CHD7: variants seen among roughly 807,000 people sequenced by gnomAD.
CHD7 encodes the protein ATP-dependent chromatin remodeler CHD7.
Under a neutral mutation model 307.3 loss-of-function variants are expected in CHD7, and 24 were observed. The ratio of observed to expected loss-of-function variants is 0.08; its 90% CI spans 0.06 to 0.11. The LOEUF (loss-of-function observed/expected upper bound fraction) is 0.11, where lower values mean the gene tolerates loss of function less well. CHD7 is among the 10% of genes least tolerant of loss of function. The probability of loss-of-function intolerance (pLI) is 1.00; values close to 1 mark genes in which losing one functional copy is unlikely to be tolerated. For missense variants in CHD7, 3,106 were observed against 3,727.1 expected, an observed-to-expected ratio of 0.83 and a Z score of 4.34; for synonymous variants, 1,363 against 1,349.9, an observed-to-expected ratio of 1.01 and a Z score of -0.21.
intron 6 of CHD7, among the ~76,000 whole-genome samples, chr8:60,802,433 C>T (rs561714719): frequency 4.6e-5 from 7 of 152,260 alleles, no homozygotes; most frequent in Non-Finnish European, 8.8e-5. Flanking sequence ...GTGTCTGTGT[C>T]GCAGCTTCAG....
intron 6 of CHD7, among the ~76,000 whole-genome samples, chr8:60,802,628 A>G (rs954732649): frequency 3.3e-5 from 5 of 152,212 alleles, no homozygotes; most frequent in Non-Finnish European, 7.3e-5. Flanking sequence ...CTGGGATTAC[A>G]GGTGTGAGCC....
At chr8:60,730,835 G>A (rs1241319566) in intron 1 of CHD7, among the ~76,000 whole-genome samples, 1 of 150,500 alleles carries the variant, frequency 6.6e-6, no homozygotes, top group African/African-American at 2.4e-5. Flanking sequence ...ACTCCAGCCT[G>A]GGCGACAGAG....
intron 2 of CHD7, among the ~76,000 whole-genome samples, chr8:60,764,562 C>T (rs911575602): frequency 6.6e-6 from 1 of 152,146 alleles, no homozygotes; most frequent in African/African-American, 2.4e-5. Context: ...ATATTTGTTG[C>T]TTGTTGACTC....
At position 60,742,161 on chromosome 8, in the gene CHD7, C is replaced by A. The variant is rs371398600; in HGVS notation, c.729C>A (p.Pro243=). 1 of 1,613,976 alleles carries A rather than the reference C, an allele frequency of 6.2e-7. No individual in the cohort carries two copies. The highest frequency in any genetic ancestry group is 1.1e-5 in the South Asian group (1 of 91,082). ...TGTCCCACGTGCCCCAGCAGAGTCC[C>A]AGCATGGCACCTTCCTTGCGTCACT... ...GHLSHVPQQS[P]SMAPSLRHSV... The change falls in exon 2 of 38, where the codon CCC becomes CCA. Residue 243 remains proline, a synonymous_variant. Coordinates refer to ENST00000423902, the MANE Select transcript of CHD7 (RefSeq NM_017780.4).
Position 60,742,613 on chromosome 8 carries a change from C to T in CHD7, c.1181C>T (p.Pro394Leu). The change falls in exon 2 of 38, where the codon CCT (proline) becomes CTT (leucine). Residue 394 changes from proline to leucine, a missense_variant. Physicochemically the swap from Pro to Leu is moderately conservative, Grantham distance 98 (BLOSUM62 -3). This residue lies in a region of CHD7 where 998 missense variants were observed against 1,004.5 expected (regional missense o/e 0.99). Transcript: ENST00000423902. ...CCTCAGGGAACTTATGCCTCTCCAC[C>T]TCCCATGTCACCCATGAAAGCAATG... ...SQPQGTYASP[P>L]PMSPMKAMSN... is the part of the protein sequence containing the mutation. 3 of 1,613,140 alleles carry T rather than the reference C, an allele frequency of 1.9e-6. No individual in the cohort carries two copies. Among genetic ancestry groups the T allele is most frequent in the Non-Finnish European group, 2.5e-6 (3 of 1,179,236 alleles).
intron 2 of CHD7, among the ~76,000 whole-genome samples, chr8:60,761,625 A>AGGTTTAT (rs1356814732): frequency 6.6e-6 from 1 of 151,518 alleles, no homozygotes; most frequent in African/African-American, 2.4e-5. Context: ...TATGTTTCTG[A>AGGTTTAT]GGTTTATCTA....
chr8:60,796,617 G>GTT (rs566003462), intron 4 of CHD7, among the ~76,000 whole-genome samples: 1,039 of 57,436 alleles, frequency 0.018, 15 homozygotes, highest in African/African-American at 0.054. Context: ...TAGCTTTAGG[G>GTT]TTTTTTTTTT....
chr8:60,731,888 C>CT (rs2150562911), intron 1 of CHD7, among the ~76,000 whole-genome samples: 1 of 152,272 alleles, frequency 6.6e-6, no homozygotes, highest in African/African-American at 2.4e-5. Flanking sequence ...CTGTGTATTT[C>CT]TTTTTTGCAT....
At chr8:60,757,846 G>A (rs1809971161) in intron 2 of CHD7, among the ~76,000 whole-genome samples, 1 of 152,206 alleles carries the variant, frequency 6.6e-6, no homozygotes, top group Admixed American at 6.5e-5. Flanking sequence ...TACTAAGGCA[G>A]GTGGGGGCAT....
At chr8:60,748,987 T>TAAAAAAAAAA (rs372874769) in intron 2 of CHD7, among the ~76,000 whole-genome samples, 3 of 149,314 alleles carry the variant, frequency 2.0e-5, no homozygotes, top group African/African-American at 7.4e-5. Flanking sequence ...TTTTTTTTTT[T>TAAAAAAAAAA]AAAAAAATAG....
intron 1 of CHD7, among the ~76,000 whole-genome samples, chr8:60,691,353 G>C (rs1398553102): frequency 1.3e-5 from 2 of 152,088 alleles, no homozygotes; most frequent in Non-Finnish European, 2.9e-5. Context: ...GATTTGACTT[G>C]TTTCACCTAA....
intron 3 of CHD7, among the ~76,000 whole-genome samples, chr8:60,782,295 G>A (rs972338888): frequency 1.6e-4 from 25 of 152,142 alleles, no homozygotes; most frequent in Admixed American, 1.2e-3. Context: ...TCATGTGCAC[G>A]TGTAAACACA....
intron 1 of CHD7, among the ~76,000 whole-genome samples, chr8:60,710,907 T>C (rs903114047): frequency 3.9e-5 from 6 of 152,226 alleles, no homozygotes; most frequent in East Asian, 1.9e-4. Flanking sequence ...CAGGAAACTA[T>C]TGAGTTTGTT....
chr8:60,713,234 C>T (rs1440924932), intron 1 of CHD7, among the ~76,000 whole-genome samples: 1 of 151,950 alleles, frequency 6.6e-6, no homozygotes, highest in African/African-American at 2.4e-5. Context: ...GCTTCAGCCT[C>T]ACTAGTAGCT....
At chr8:60,778,021 T>C (rs1488923819) in intron 2 of CHD7, among the ~76,000 whole-genome samples, 1 of 141,250 alleles carries the variant, frequency 7.1e-6, no homozygotes, top group Admixed American at 7.9e-5. Context: ...TGTCAGGCAG[T>C]GGGAATTGAT....
intron 1 of CHD7, among the ~76,000 whole-genome samples, chr8:60,730,909 AGT>A: frequency 1.3e-5 from 2 of 152,308 alleles, no homozygotes; most frequent in South Asian, 4.1e-4. Flanking sequence ...ATAACTCCTA[AGT>A]TTTTAATTGT....
At chr8:60,713,953 T>G (rs1807413164) in intron 1 of CHD7, among the ~76,000 whole-genome samples, 1 of 152,188 alleles carries the variant, frequency 6.6e-6, no homozygotes, top group Admixed American at 6.5e-5. Flanking sequence ...GTTTTCTTTC[T>G]TTGTAGAAAG....
intron 7 of CHD7, among the ~76,000 whole-genome samples, chr8:60,810,275 G>A (rs145420971): frequency 1.4e-4 from 21 of 150,898 alleles, no homozygotes; most frequent in African/African-American, 4.2e-4. Context: ...TTCAGTGAAG[G>A]GGGGGGCATT....
chr8:60,780,759 ATT>A (rs532046245), intron 2 of CHD7, among the ~76,000 whole-genome samples: 1 of 151,416 alleles, frequency 6.6e-6, no homozygotes. Context: ...TCCTGAACTG[ATT>A]TTTTTTTACT....
Sources: allele counts gnomAD v4.1 joint callset (sites outside exome capture counted in the v4.1 genomes callset), GRCh38; gene constraint gnomAD v4.1.1; regional missense constraint gnomAD v4.1.1; transcripts MANE v1.5; gene names NCBI Gene and HGNC (gene_info 2026-07-23, HGNC 2026-07-21).